OPCML: variants seen among roughly 807,000 people sequenced by gnomAD.
OPCML encodes the protein opioid binding protein/cell adhesion molecule like.
A neutral mutation model predicts 37.8 loss-of-function variants in OPCML; 13 were observed. The observed-to-expected ratio is 0.34, with a 90% CI of 0.22 to 0.55. OPCML has a LOEUF of 0.55. OPCML is among the 20% of genes least tolerant of loss of function. The pLI is 0.91. For synonymous variants in OPCML, 176 were observed against 168.8 expected (o/e 1.04, Z -0.33); for missense variants, 341 against 435.6 (o/e 0.78, Z 1.93).
At chr11:133,324,944 TTA>T (rs1002195572) in intron 1 of OPCML, among the ~76,000 whole-genome samples, 3 of 152,204 alleles carry the variant, frequency 2.0e-5, no homozygotes, top group African/African-American at 7.2e-5. Flanking sequence ...TATAGTATCA[TTA>T]TATACTCTCC....
At chr11:132,546,265 G>A (rs981844094) in intron 3 of OPCML, among the ~76,000 whole-genome samples, 3 of 152,092 alleles carry the variant, frequency 2.0e-5, no homozygotes, top group Non-Finnish European at 4.4e-5. Flanking sequence ...CTTTTAAAAA[G>A]TGTTTATTTA....
chr11:132,873,272 T>A (rs1015740180), intron 2 of OPCML, among the ~76,000 whole-genome samples: 9 of 152,252 alleles, frequency 5.9e-5, no homozygotes. Context: ...TTTGGTTCAA[T>A]GTTTCTGTAC....
At chr11:132,913,149 A>G (rs911319151) in intron 2 of OPCML, among the ~76,000 whole-genome samples, 2 of 152,198 alleles carry the variant, frequency 1.3e-5, no homozygotes, top group East Asian at 3.8e-4. Context: ...ACAGATTGTC[A>G]TAACTGCATT....
At chr11:133,098,370 C>A (rs1031422085) in intron 1 of OPCML, among the ~76,000 whole-genome samples, 1 of 151,970 alleles carries the variant, frequency 6.6e-6, no homozygotes, top group Non-Finnish European at 1.5e-5. Context: ...CGCCCGCCAC[C>A]ACACCTGGCT....
At chr11:132,616,119 T>G (rs967011648) in intron 3 of OPCML, among the ~76,000 whole-genome samples, 2 of 152,194 alleles carry the variant, frequency 1.3e-5, no homozygotes, top group African/African-American at 2.4e-5. Flanking sequence ...AATAAAAACT[T>G]TTTTTGTACT....
intron 1 of OPCML, among the ~76,000 whole-genome samples, chr11:133,103,238 C>T (rs191205239): frequency 6.6e-6 from 1 of 152,104 alleles, no homozygotes; most frequent in Non-Finnish European, 1.5e-5. Context: ...TTTGATCAAC[C>T]TTTACACGTC....
Position 132,943,302 on chromosome 11 carries a change from C to T in OPCML, c.62-292G>A. Reference sequence around the variant, plus strand: ...CCTCAGCTTTCCAGCCTAGCAGAACCAGATGCCCCCTCCTGCATCCAAAAA... The same window carrying T: ...CCTCAGCTTTCCAGCCTAGCAGAACTAGATGCCCCCTCCTGCATCCAAAAA... On this transcript the variant is annotated intron_variant, in intron 1 of 7. Transcript: ENST00000524381. This position sits in a 1 kb window ranked among gnomAD's most constrained non-coding sequence, Gnocchi z 4.3. 1 of 692,628 alleles carries T rather than the reference C, an allele frequency of 1.4e-6. No individual in the cohort carries two copies. The highest frequency in any genetic ancestry group is 2.4e-6 in the Non-Finnish European group (1 of 424,258). The allele number at this position is 692,628 out of a possible 1,614,324, so 42.9% of individuals were successfully genotyped here.
At chr11:132,792,348 C>G (rs1420833370) in intron 2 of OPCML, among the ~76,000 whole-genome samples, 1 of 152,110 alleles carries the variant, frequency 6.6e-6, no homozygotes, top group Non-Finnish European at 1.5e-5. Flanking sequence ...ACACTTTGAT[C>G]TATTTTTATT....
intron 1 of OPCML, among the ~76,000 whole-genome samples, chr11:133,476,768 C>T (rs956295160): frequency 6.6e-6 from 1 of 152,140 alleles, no homozygotes; most frequent in Non-Finnish European, 1.5e-5. Context: ...AGAAGCACCC[C>T]GGAGGGCCGG....
At chr11:132,452,488 C>A (rs1316699269) in intron 4 of OPCML, among the ~76,000 whole-genome samples, 1 of 135,464 alleles carries the variant, frequency 7.4e-6, no homozygotes, top group Non-Finnish European at 1.5e-5. Context: ...CTCCCTCCCT[C>A]CCTTCCTCAC....
chr11:132,859,867 T>C (rs1942225247), intron 2 of OPCML: 1 of 152,234 alleles, frequency 6.6e-6, no homozygotes, highest in African/African-American at 2.4e-5. Context: ...AACGGTACTA[T>C]GGGCTCAGCT....
intron 2 of OPCML, among the ~76,000 whole-genome samples, chr11:132,915,854 T>C (rs1178714938): frequency 6.6e-6 from 1 of 152,230 alleles, no homozygotes; most frequent in Non-Finnish European, 1.5e-5. Context: ...GTTCTTTATA[T>C]AATCTAGATA....
chr11:133,069,399 C>T (rs567303129), intron 1 of OPCML, among the ~76,000 whole-genome samples: 138 of 152,284 alleles, frequency 9.1e-4, no homozygotes, highest in African/African-American at 3.2e-3. Flanking sequence ...CTCAGAATTG[C>T]TTGGAAGAAC....
intron 2 of OPCML, among the ~76,000 whole-genome samples, chr11:132,735,109 A>G (rs1226114081): frequency 6.6e-6 from 1 of 152,226 alleles, no homozygotes; most frequent in Non-Finnish European, 1.5e-5. Context: ...ACTTTTAAAT[A>G]TAAAGGACCC....
intron 4 of OPCML, among the ~76,000 whole-genome samples, chr11:132,445,747 G>T (rs543491826): frequency 6.6e-6 from 1 of 152,304 alleles, no homozygotes; most frequent in African/African-American, 2.4e-5. Flanking sequence ...GTAAGTTGAG[G>T]ACTCCTGTTG....
rs185748227 is a variant in OPCML, at chr11:132,573,968, T to A, written c.380-44782A>T. Among the ~76,000 whole-genome samples the A allele has an allele frequency of 5.3e-4, 81 of 152,068 alleles. 1 individual carries two copies. Among genetic ancestry groups the A allele is most frequent in the African/African-American group, 1.9e-3 (78 of 41,560 alleles). On this transcript the variant is annotated intron_variant, in intron 3 of 7. Transcript: ENST00000524381. ...TTAGTTGTGGTACTTTGTATGTTCC[T>A]AGAAATGTATGAATTTCCTCTAGCT... is the stretch of plus-strand genomic sequence containing the variant.
intron 2 of OPCML, among the ~76,000 whole-genome samples, chr11:132,892,289 G>T (rs55930429): frequency 6.6e-6 from 1 of 152,168 alleles, no homozygotes; most frequent in Non-Finnish European, 1.5e-5. Context: ...GGAGACAGAA[G>T]AATCAATAAC....
At chr11:132,531,636 A>C (rs562431203) in intron 3 of OPCML, among the ~76,000 whole-genome samples, 1 of 152,210 alleles carries the variant, frequency 6.6e-6, no homozygotes, top group South Asian at 2.1e-4. Context: ...ATTTGGGATT[A>C]TTTCTGCATT....
chr11:132,576,075 T>C (rs530209267), intron 3 of OPCML, among the ~76,000 whole-genome samples: 2 of 152,098 alleles, frequency 1.3e-5, no homozygotes, highest in Non-Finnish European at 2.9e-5. Context: ...CTCTTGATAC[T>C]TTCAAAACTA....
Sources: gnomAD v4.1 joint callset for allele counts (sites outside exome capture counted in the v4.1 genomes callset) on GRCh38, gnomAD v4.1.1 for gene constraint, Gnocchi (gnomAD v3.1) non-coding constraint, MANE v1.5 for transcripts, NCBI Gene and HGNC (gene_info 2026-07-23, HGNC 2026-07-21) for gene names.